METTL15: variants seen among roughly 807,000 people sequenced by gnomAD.
The protein encoded by METTL15 is methyltransferase 15, mitochondrial 12S rRNA N4-cytidine.
A neutral mutation model predicts 38.3 loss-of-function variants in METTL15; 34 were observed. The observed-to-expected ratio is 0.89, with a 90% CI of 0.68 to 1.18. The LOEUF is 1.18. Among genes scored for constraint, METTL15 ranks in the 50% most tolerant of loss-of-function variants. The pLI, the probability that METTL15 is intolerant of heterozygous loss-of-function variation, is 0.00. For missense variants in METTL15, 438 were observed against 498.4 expected (o/e 0.88, Z 1.15); for synonymous variants, 162 against 170.9 (o/e 0.95, Z 0.41).
chr11:28,488,441 C>G (rs1300506195), intron 6 of METTL15, among the ~76,000 whole-genome samples: 1 of 152,084 alleles, frequency 6.6e-6, no homozygotes, highest in East Asian at 1.9e-4. Context: ...GTCACTTCCA[C>G]TTTCTCATCT....
At chr11:28,410,703 A>T (rs891626185) in intron 5 of METTL15, 5 of 152,122 alleles carry the variant, frequency 3.3e-5, no homozygotes, top group Admixed American at 2.6e-4. Context: ...TTCCACTAAG[A>T]TCAGATACAA....
At chr11:28,427,271 C>T (rs1334381645) in intron 6 of METTL15, among the ~76,000 whole-genome samples, 1 of 152,136 alleles carries the variant, frequency 6.6e-6, no homozygotes, top group Non-Finnish European at 1.5e-5. Context: ...TCTGGGTTCT[C>T]TATTCTGTTC....
intron 6 of METTL15, among the ~76,000 whole-genome samples, chr11:28,501,720 C>A (rs1480739502): frequency 1.3e-5 from 2 of 152,146 alleles, no homozygotes; most frequent in African/African-American, 4.8e-5. Context: ...AGTCTCATGT[C>A]AGTGGTCATT....
At chr11:28,162,669 C>T (rs967030926) in intron 3 of METTL15, among the ~76,000 whole-genome samples, 39 of 152,074 alleles carry the variant, frequency 2.6e-4, no homozygotes, top group South Asian at 6.2e-4. Context: ...CTACCTTATA[C>T]GTGCTCTGGA....
chr11:28,123,882 T>C, intron 3 of METTL15: 6 of 1,473,258 alleles, frequency 4.1e-6, no homozygotes, highest in Non-Finnish European at 5.5e-6. Flanking sequence ...AAACTGTGGA[T>C]ATTTAATATA....
At chr11:28,112,315 TTTA>T (rs984041399) in intron 2 of METTL15, among the ~76,000 whole-genome samples, 5 of 152,158 alleles carry the variant, frequency 3.3e-5, no homozygotes, top group African/African-American at 1.2e-4. Flanking sequence ...TCAGAAAACA[TTTA>T]TTAAGCACTG....
exon 5 of METTL15, chr11:28,362,035 A>T (rs1377123277): frequency 3.3e-5 from 5 of 152,148 alleles, no homozygotes; most frequent in Non-Finnish European, 5.9e-5. Flanking sequence ...AGAAAAATGG[A>T]GGTAGCATTT....
intron 6 of METTL15, among the ~76,000 whole-genome samples, chr11:28,453,198 A>G (rs1851138156): frequency 6.6e-6 from 1 of 152,236 alleles, no homozygotes; most frequent in African/African-American, 2.4e-5. Context: ...GTATGTAGCA[A>G]CTTCTGTAAA....
intron 4 of METTL15, among the ~76,000 whole-genome samples, chr11:28,235,309 G>T (rs1362347123): frequency 6.6e-6 from 1 of 152,036 alleles, no homozygotes; most frequent in Non-Finnish European, 1.5e-5. Context: ...GATTCCATAT[G>T]CACTTTAAAG....
At chr11:28,232,104 CT>C (rs1853710287) in intron 4 of METTL15, among the ~76,000 whole-genome samples, 1 of 151,772 alleles carries the variant, frequency 6.6e-6, no homozygotes, top group African/African-American at 2.4e-5. Flanking sequence ...ATCCAGACTA[CT>C]CTTTAAAATA....
intron 6 of METTL15, among the ~76,000 whole-genome samples, chr11:28,310,059 T>A (rs1857221937): frequency 6.6e-6 from 1 of 152,130 alleles, no homozygotes; most frequent in Non-Finnish European, 1.5e-5. Context: ...CCCCATCAAC[T>A]ACTGACACCT....
At chr11:28,205,214 T>C (rs1454556240) in intron 3 of METTL15, among the ~76,000 whole-genome samples, 2 of 151,916 alleles carry the variant, frequency 1.3e-5, no homozygotes, top group Non-Finnish European at 2.9e-5. Flanking sequence ...CATTAACTCG[T>C]CATTTAGTAT....
intron 3 of METTL15, among the ~76,000 whole-genome samples, chr11:28,151,188 A>G (rs1434665963): frequency 6.6e-6 from 1 of 151,862 alleles, no homozygotes; most frequent in Non-Finnish European, 1.5e-5. Flanking sequence ...ATATTATACT[A>G]TATATAATTT....
chr11:28,500,515 T>C (rs951135592), intron 6 of METTL15, among the ~76,000 whole-genome samples: 1 of 152,108 alleles, frequency 6.6e-6, no homozygotes, highest in African/African-American at 2.4e-5. Context: ...ATATGCAATG[T>C]GAGCAATATT....
intron 3 of METTL15, among the ~76,000 whole-genome samples, chr11:28,115,478 G>A (rs780964720): frequency 9.2e-5 from 14 of 151,898 alleles, no homozygotes; most frequent in South Asian, 4.1e-4. Context: ...GGCTGGTCTC[G>A]AACTCCTGAC....
At chr11:28,515,032 G>A (rs1050453505) in intron 6 of METTL15, among the ~76,000 whole-genome samples, 1 of 152,124 alleles carries the variant, frequency 6.6e-6, no homozygotes, top group Non-Finnish European at 1.5e-5. Flanking sequence ...ATTAAGTATG[G>A]CTACTACAGT....
chr11:28,376,814 T>C (rs1344135881), intron 5 of METTL15, among the ~76,000 whole-genome samples: 1 of 149,452 alleles, frequency 6.7e-6, no homozygotes, highest in Admixed American at 6.8e-5. Flanking sequence ...TTCCTTTCCA[T>C]GTTTAGTGCT....
chr11:28,147,142 C>T (rs1213675183), intron 3 of METTL15, among the ~76,000 whole-genome samples: 2 of 151,842 alleles, frequency 1.3e-5, no homozygotes, highest in African/African-American at 4.8e-5. Context: ...AGGTTTCAGG[C>T]ACTTTATATA....
At chr11:28,386,375 T>A (rs1156245082) in intron 5 of METTL15, among the ~76,000 whole-genome samples, 1 of 151,720 alleles carries the variant, frequency 6.6e-6, no homozygotes, top group African/African-American at 2.4e-5. Context: ...AGCAAAAGGA[T>A]GAAAAATGAT....
Sources: gnomAD v4.1 joint callset for allele counts (sites outside exome capture counted in the v4.1 genomes callset) on GRCh38, gnomAD v4.1.1 for gene constraint, MANE v1.5 for transcripts, NCBI Gene and HGNC (gene_info 2026-07-23, HGNC 2026-07-21) for gene names.